The following PTGR3 variants were observed in gnomAD, a reference collection of about 807,000 sequenced individuals.
PTGR3 encodes the protein zinc binding alcohol dehydrogenase domain containing 2.
the PTGR3 span, chr18:75,202,280 A>C: frequency 3.1e-6 from 5 of 1,614,010 alleles, no homozygotes; most frequent in African/African-American, 6.7e-5. Flanking sequence ...AGGGAGGCTT[A>C]ACTGAGGGGT....
At chr18:75,199,042 A>T in the PTGR3 span, 1 of 152,674 alleles carries the variant, frequency 6.5e-6, no homozygotes, top group South Asian at 2.1e-4. Flanking sequence ...GAATGGGCGG[A>T]ATCTTTCATG....
At chr18:75,199,044 T>C in the PTGR3 span, 1 of 152,666 alleles carries the variant, frequency 6.6e-6, no homozygotes. Context: ...ATGGGCGGAA[T>C]CTTTCATGCT....
chr18:75,201,491 G>A, the PTGR3 span: 7 of 1,614,062 alleles, frequency 4.3e-6, no homozygotes, highest in Non-Finnish European at 5.9e-6. Flanking sequence ...ACATATAATT[G>A]ACAGCACGGA....
chr18:75,195,252 G>A, the PTGR3 span: 15 of 152,130 alleles, frequency 9.9e-5, no homozygotes, highest in Non-Finnish European at 1.8e-4. Flanking sequence ...ATATTTAGAC[G>A]ACACAGAATC....
chr18:75,208,954 C>A, the PTGR3 span: 2,951 of 1,594,806 alleles, frequency 1.9e-3, 44 homozygotes, highest in East Asian at 0.033. Context: ...TCACCACCAG[C>A]TTCTGCATGG....
chr18:75,205,612 G>T, the PTGR3 span: 8 of 512,218 alleles, frequency 1.6e-5, no homozygotes, highest in South Asian at 5.9e-4. Flanking sequence ...CAGGGGAGAG[G>T]AACGCTTTCC....
chr18:75,207,346 G>T, the PTGR3 span, among the ~76,000 whole-genome samples: 1,055 of 152,326 alleles, frequency 6.9e-3, 12 homozygotes, highest in African/African-American at 0.023. Flanking sequence ...ACCCTGTGTG[G>T]AACTTCTTGC....
At chr18:75,198,673 C>A in the PTGR3 span, 1 of 152,180 alleles carries the variant, frequency 6.6e-6, no homozygotes, top group African/African-American at 2.4e-5. Context: ...TAACAGATCA[C>A]TGGGACTCCT....
chr18:75,201,654 C>T, the PTGR3 span: 1 of 1,614,210 alleles, frequency 6.2e-7, no homozygotes. Context: ...GCCCTGTACG[C>T]TGGCAGATTT....
chr18:75,208,434 T>A, the PTGR3 span: 44 of 994,414 alleles, frequency 4.4e-5, no homozygotes, highest in Admixed American at 6.1e-5. Context: ...ACGTCGCAGT[T>A]TGCGTCCAGG....
chr18:75,206,198 C>A, the PTGR3 span, among the ~76,000 whole-genome samples: 2 of 152,198 alleles, frequency 1.3e-5, no homozygotes, highest in Admixed American at 1.3e-4. Context: ...TATGCCCCTT[C>A]TTACATCTTT....
At chr18:75,202,665 CA>C in the PTGR3 span, among the ~76,000 whole-genome samples, 2,781 of 79,010 alleles carry the variant, frequency 0.035, 36 homozygotes, top group African/African-American at 0.061. Context: ...TAGAAATAAG[CA>C]AAAAAAAAAA....
chr18:75,202,332 C>T, the PTGR3 span: 1 of 1,602,292 alleles, frequency 6.2e-7, no homozygotes, highest in Non-Finnish European at 8.5e-7. Flanking sequence ...TGCGTTAACA[C>T]CAACAAATCT....
At chr18:75,198,432 G>A in the PTGR3 span, 1 of 152,010 alleles carries the variant, frequency 6.6e-6, no homozygotes, top group Non-Finnish European at 1.5e-5. Context: ...TACTCCTGAG[G>A]AACTTCATCC....
the PTGR3 span, chr18:75,208,791 G>C: frequency 7.5e-7 from 1 of 1,329,196 alleles, no homozygotes. Flanking sequence ...GGAGCGGCGC[G>C]GCGCGGCGCG....
the PTGR3 span, chr18:75,205,087 T>C: frequency 1.1e-6 from 1 of 924,080 alleles, no homozygotes; most frequent in South Asian, 5.0e-5. Flanking sequence ...TCTCCCTGCC[T>C]CCGGTTCGCG....
the PTGR3 span, chr18:75,208,549 G>A: frequency 9.2e-7 from 1 of 1,089,184 alleles, no homozygotes; most frequent in Non-Finnish European, 1.1e-6. Context: ...GTTTTATTTC[G>A]GGAGCGGGAG....
the PTGR3 span, chr18:75,209,130 G>T: frequency 7.8e-7 from 1 of 1,278,856 alleles, no homozygotes. This position sits in a 1 kb window ranked among gnomAD's most constrained non-coding sequence, Gnocchi z 4.7. Flanking sequence ...GCTCGGCTCG[G>T]CTGTGCTCTG....
chr18:75,196,527 G>A, the PTGR3 span: 1 of 150,642 alleles, frequency 6.6e-6, no homozygotes. Context: ...AGCTACTCAG[G>A]AGACTGAGGT....
Sources: allele counts gnomAD v4.1 joint callset (sites outside exome capture counted in the v4.1 genomes callset), GRCh38; gene constraint gnomAD v4.1.1; non-coding constraint Gnocchi (gnomAD v3.1); transcripts MANE v1.5; gene names NCBI Gene and HGNC (gene_info 2026-07-23, HGNC 2026-07-21).